DCAF8: variants seen among roughly 807,000 people sequenced by gnomAD.
DCAF8 encodes DDB1- and CUL4-associated factor 8.
DCAF8 carries 20 observed loss-of-function variants against 68.0 expected under a neutral mutation model. The ratio of observed to expected loss-of-function variants is 0.29; its 90% confidence interval spans 0.21 to 0.43. The LOEUF (loss-of-function observed/expected upper bound fraction) is 0.43. DCAF8 is among the 20% of genes least tolerant of loss of function. DCAF8 has a pLI of 1.00. For missense variants in DCAF8, 460 were observed against 771.0 expected, an observed-to-expected ratio of 0.60 and a Z score of 4.78; for synonymous variants, 230 against 276.9, an observed-to-expected ratio of 0.83 and a Z score of 1.68.
chr1:160,220,261 T>C (rs541085308), intron 11 of DCAF8: 5 of 152,260 alleles, frequency 3.3e-5, no homozygotes, highest in Non-Finnish European at 7.3e-5. Context: ...TATCTATCTA[T>C]AGTAATGGAC....
At chr1:160,231,273 GA>G (rs769577438) in intron 7 of DCAF8, 23 bp downstream of exon 7, 1,133 of 1,547,644 alleles carry the variant, frequency 7.3e-4, no homozygotes, top group Non-Finnish European at 9.6e-4. Context: ...AACTGTCAAA[GA>G]CACAAAAGAG....
At chr1:160,249,995 T>C (rs1409577503) in intron 2 of DCAF8, among the ~76,000 whole-genome samples, 2 of 152,114 alleles carry the variant, frequency 1.3e-5, no homozygotes, top group Admixed American at 6.6e-5. Flanking sequence ...GGTAGGGGAA[T>C]GAAACTGACT....
At chr1:160,226,192 T>C (rs1290159304) in intron 7 of DCAF8, among the ~76,000 whole-genome samples, 1 of 152,160 alleles carries the variant, frequency 6.6e-6, no homozygotes, top group East Asian at 1.9e-4. Flanking sequence ...CTAACATTAG[T>C]ATGGAGCTTT....
chr1:160,259,903 G>A (rs1041131790), intron 2 of DCAF8, among the ~76,000 whole-genome samples: 4 of 152,042 alleles, frequency 2.6e-5, no homozygotes, highest in Non-Finnish European at 5.9e-5. Context: ...CTCTGGTTAT[G>A]AACCCCCACC....
intron 11 of DCAF8, 23 bp from the exon 12 acceptor site, chr1:160,218,991 ACAGACTCAG>A: frequency 6.2e-7 from 1 of 1,613,858 alleles, no homozygotes; most frequent in African/African-American, 1.3e-5. Flanking sequence ...AAAGGAAAAC[ACAGACTCAG>A]CAGTGTGTGG....
intron 3 of DCAF8, among the ~76,000 whole-genome samples, chr1:160,243,015 TCTCACTTATC>T (rs1165750935): frequency 1.3e-5 from 2 of 152,118 alleles, no homozygotes; most frequent in Admixed American, 1.3e-4. Flanking sequence ...ATGTTGAAAA[TCTCACTTATC>T]CTTCCTCCAA....
intron 10 of DCAF8, among the ~76,000 whole-genome samples, chr1:160,223,367 A>C (rs774892096): frequency 3.3e-5 from 5 of 152,206 alleles, no homozygotes; most frequent in Non-Finnish European, 7.3e-5. Context: ...ACTGAGATCC[A>C]AGAACAGATT....
intron 6 of DCAF8, among the ~76,000 whole-genome samples, chr1:160,233,509 T>C (rs886756939): frequency 5.3e-5 from 8 of 152,100 alleles, no homozygotes; most frequent in Admixed American, 1.3e-4. Flanking sequence ...GCAGGAAACA[T>C]GTCAAAAGAA....
Position 160,217,543 on chromosome 1 carries a change from G to T in DCAF8, c.*49C>A. 1.4e-6 allele frequency: 2 copies of T among 1,421,952 alleles called. No homozygotes were observed. Among genetic ancestry groups the T allele is most frequent in the Non-Finnish European group, 2.0e-6 (2 of 1,016,252 alleles). The allele number at this position is 1,421,952 out of a possible 1,614,324, so 88.1% of individuals were successfully genotyped here. A position where few individuals can be genotyped will look rare whatever the true frequency, so the allele number is the denominator to read the frequency against. On this transcript the variant is annotated 3_prime_UTR_variant, in exon 14 of 14. Coordinates refer to ENST00000368074, the MANE Select transcript of DCAF8 (RefSeq NM_015726.4). Reference sequence around the variant, plus strand: ...GCCTGGGACAGGAAAGGGTTGCCCAGGCAGGATCAGGTTGGCAGCCCCAGC... The same window carrying T: ...GCCTGGGACAGGAAAGGGTTGCCCATGCAGGATCAGGTTGGCAGCCCCAGC...
chr1:160,234,443 T>C (rs927968813), intron 6 of DCAF8, among the ~76,000 whole-genome samples: 1 of 152,202 alleles, frequency 6.6e-6, no homozygotes, highest in Admixed American at 6.5e-5. Context: ...TCATTGCTTA[T>C]GTTCAGATTC....
chr1:160,243,752 T>C lies in DCAF8; in HGVS notation c.49+208A>G, dbSNP rs149826951. On this transcript the variant is annotated intron_variant, in intron 3 of 13. Transcript: ENST00000368074. Reference sequence around the variant, plus strand: ...ACCTCTTAGAAGTACAGCTCTGTTATTGATATTTTGAAAATGATCAGATAA... The same window carrying C: ...ACCTCTTAGAAGTACAGCTCTGTTACTGATATTTTGAAAATGATCAGATAA... Among the ~76,000 whole-genome samples, 1,132 of 152,324 alleles carry C rather than the reference T, an allele frequency of 7.4e-3. 16 individuals carry two copies. Among genetic ancestry groups the C allele is most frequent in the African/African-American group, 0.026 (1,069 of 41,556 alleles).
rs558468522 is a variant in DCAF8, at chr1:160,249,358, CAAG to C, written c.-26-5327_-26-5325del. On this transcript the variant is annotated intron_variant, in intron 2 of 13. Coordinates refer to ENST00000368074, the MANE Select transcript of DCAF8 (RefSeq NM_015726.4). Reference sequence around the variant, plus strand: ...AAAAATTTACTTTATTAAGTACTAACAAGAAGTAGAGCAACTACAACTCATATA... The same window carrying C: ...AAAAATTTACTTTATTAAGTACTAACAAGTAGAGCAACTACAACTCATATA... Among the ~76,000 whole-genome samples, 68 of 152,238 alleles carry C rather than the reference CAAG, an allele frequency of 4.5e-4. 1 individual carries two copies. Among genetic ancestry groups the C allele is most frequent in the Middle Eastern group, 3.4e-3 (1 of 294 alleles).
Position 160,216,729 on chromosome 1 carries a change from TG to T in DCAF8, c.*862del, listed in dbSNP as rs1655132150. The T allele has an allele frequency of 6.6e-6, 1 of 152,650 alleles. No individual in the cohort carries two copies. The highest frequency in any genetic ancestry group is 2.4e-5 in the African/African-American group (1 of 41,450). 9.5% of individuals were successfully genotyped at this position (152,650 alleles called of 1,614,324 possible). ...TTAAACTTTGACAATAATTTTACCTTGATACATCCAAGTTTGACTTGCTTTT... is the reference window on the plus strand; with the variant it reads ...TTAAACTTTGACAATAATTTTACCTTATACATCCAAGTTTGACTTGCTTTT... On this transcript the variant is annotated 3_prime_UTR_variant, in exon 14 of 14. Transcript: ENST00000368074.
At chr1:160,222,856 TTA>T in intron 10 of DCAF8, 75 bp from the exon 11 acceptor site, 1 of 1,588,708 alleles carries the variant, frequency 6.3e-7, no homozygotes, top group South Asian at 1.1e-5. Flanking sequence ...CAAAGGGAAT[TTA>T]GTTATTCACA....
intron 2 of DCAF8, among the ~76,000 whole-genome samples, chr1:160,244,310 G>A (rs6683068): frequency 0.024 from 3,619 of 152,196 alleles, 149 homozygotes; most frequent in African/African-American, 0.083. Flanking sequence ...TTTCAGATGC[G>A]AAAGTGGGAA....
chr1:160,258,579 C>A (rs1339347985), intron 2 of DCAF8, among the ~76,000 whole-genome samples: 1 of 151,232 alleles, frequency 6.6e-6, no homozygotes, highest in Non-Finnish European at 1.5e-5. Flanking sequence ...TTGAGCCGGG[C>A]AAGTAAGACC....
chr1:160,260,880 C>G (rs980536046), intron 2 of DCAF8, among the ~76,000 whole-genome samples: 6 of 152,158 alleles, frequency 3.9e-5, no homozygotes, highest in Admixed American at 3.9e-4. Flanking sequence ...GGATGACAAC[C>G]CGAAGCTGTG....
chr1:160,261,113 C>G (rs777569534), intron 2 of DCAF8, among the ~76,000 whole-genome samples, 172 bp downstream of exon 2: 9 of 152,210 alleles, frequency 5.9e-5, no homozygotes, highest in Non-Finnish European at 1.2e-4. Flanking sequence ...AAGAAGCCCA[C>G]AGACAATTAA....
In DCAF8 at chr1:160,240,102, T is replaced by TTCCTCCTCTTCC. The variant is rs778736929; in HGVS notation, c.306_317dup (p.Glu109_Glu112dup). On this transcript the variant is annotated inframe_insertion, in exon 4 of 14. Coordinates refer to ENST00000368074, the MANE Select transcript of DCAF8 (RefSeq NM_015726.4). ...GAGGCTGCTCTTCTTCCTCCTCTTC[T>TTCCTCCTCTTCC]TCCTCCTCTTCCTCTTCCTCTGAGC... 2 of 1,581,998 alleles carry TTCCTCCTCTTCC rather than the reference T, an allele frequency of 1.3e-6. No homozygotes were observed. The highest frequency in any genetic ancestry group is 2.2e-5 in the South Asian group (2 of 90,668).
Sources: allele counts gnomAD v4.1 joint callset (sites outside exome capture counted in the v4.1 genomes callset), GRCh38; gene constraint gnomAD v4.1.1; transcripts MANE v1.5; gene names NCBI Gene and HGNC (gene_info 2026-07-23, HGNC 2026-07-21).